The following LRRC37A2 variants were observed in gnomAD, a reference collection of about 807,000 sequenced individuals.
The protein encoded by LRRC37A2 is leucine rich repeat containing 37 member A2.
Under a neutral mutation model 68.8 loss-of-function variants are expected in LRRC37A2, and 9 were observed. The ratio of observed to expected loss-of-function variants is 0.13; its 90% confidence interval spans 0.08 to 0.23. LRRC37A2 has a LOEUF of 0.23. LRRC37A2 is among the 10% of genes least tolerant of loss of function. The pLI is 1.00. For missense variants in LRRC37A2, 168 were observed against 950.4 expected (o/e 0.18, Z 10.82); for synonymous variants, 63 against 367.6 (o/e 0.17, Z 9.48).
the LRRC37A2 span, chr17:46,875,228 G>A: frequency 3.1e-6 from 5 of 1,614,196 alleles, no homozygotes; most frequent in Non-Finnish European, 4.2e-6. Flanking sequence ...TGGAGAGCCG[G>A]CAGGCCTGGC....
At chr17:47,009,647 G>C in the LRRC37A2 span, among the ~76,000 whole-genome samples, 9 of 152,156 alleles carry the variant, frequency 5.9e-5, no homozygotes, top group African/African-American at 2.2e-4. Flanking sequence ...TAGAGTTTTG[G>C]CCATAAATGG....
At chr17:46,918,374 G>A in the LRRC37A2 span, among the ~76,000 whole-genome samples, 2 of 152,098 alleles carry the variant, frequency 1.3e-5, no homozygotes, top group South Asian at 2.1e-4. Flanking sequence ...CGCCGCCCCC[G>A]GCCTATAACA....
At chr17:46,801,405 A>C in the LRRC37A2 span, among the ~76,000 whole-genome samples, 1 of 152,232 alleles carries the variant, frequency 6.6e-6, no homozygotes, top group African/African-American at 2.4e-5. Flanking sequence ...ACATCACCTG[A>C]GGTCAGGAGC....
chr17:46,458,529 TTC>T, the LRRC37A2 span, among the ~76,000 whole-genome samples: 1 of 76,326 alleles, frequency 1.3e-5, no homozygotes, highest in East Asian at 2.5e-4. Context: ...ATTCTTCTTC[TTC>T]TTTTTTTTTT....
the LRRC37A2 span, chr17:46,851,748 C>T: frequency 1.7e-6 from 2 of 1,175,300 alleles, no homozygotes; most frequent in Non-Finnish European, 2.2e-6. This position sits in a 1 kb window ranked among gnomAD's most constrained non-coding sequence, Gnocchi z 4.3. Context: ...GCCCGCTCCC[C>T]GGCCTGCCTG....
the LRRC37A2 span, among the ~76,000 whole-genome samples, chr17:46,834,166 G>T: frequency 6.6e-6 from 1 of 152,176 alleles, no homozygotes; most frequent in Non-Finnish European, 1.5e-5. Flanking sequence ...CTACACTCCA[G>T]CCTGGTCGAT....
chr17:46,757,386 G>A, the LRRC37A2 span: 16 of 152,510 alleles, frequency 1.0e-4, no homozygotes, highest in Admixed American at 8.5e-4. Context: ...ATGTCTTTGT[G>A]TTTTGTCCAA....
At chr17:46,697,533 T>TA in the LRRC37A2 span, among the ~76,000 whole-genome samples, 2 of 140,014 alleles carry the variant, frequency 1.4e-5, no homozygotes, top group Non-Finnish European at 3.1e-5. Context: ...TGAGTAAACT[T>TA]ACGTAACTAT....
the LRRC37A2 span, among the ~76,000 whole-genome samples, chr17:46,418,463 CTGATT>C: frequency 2.8e-5 from 1 of 36,082 alleles, no homozygotes; most frequent in Non-Finnish European, 5.4e-5. Context: ...ACTTTTTGAG[CTGATT>C]TAAGAATCAA....
At chr17:46,783,767 G>A in the LRRC37A2 span, among the ~76,000 whole-genome samples, 1 of 152,208 alleles carries the variant, frequency 6.6e-6, no homozygotes, top group Non-Finnish European at 1.5e-5. Context: ...GGTGGCAGGG[G>A]GACAGCCCCA....
At chr17:46,731,536 G>A in the LRRC37A2 span, among the ~76,000 whole-genome samples, 45,636 of 152,006 alleles carry the variant, frequency 0.3, 7,613 homozygotes, top group East Asian at 0.6. Flanking sequence ...AGTGGTTTAG[G>A]AGCTACTTAA....
At chr17:46,460,912 CT>C in the LRRC37A2 span, among the ~76,000 whole-genome samples, 1 of 59,016 alleles carries the variant, frequency 1.7e-5, no homozygotes, top group African/African-American at 7.4e-5. Flanking sequence ...TGGTTTAGAA[CT>C]TTCTAAAACT....
At chr17:46,721,890 C>G in the LRRC37A2 span, 1 of 1,587,070 alleles carries the variant, frequency 6.3e-7, no homozygotes, top group Non-Finnish European at 8.7e-7. Context: ...GCGATAAAGA[C>G]GACATGCTTC....
the LRRC37A2 span, among the ~76,000 whole-genome samples, chr17:46,985,236 C>T: frequency 7.2e-5 from 11 of 152,170 alleles, no homozygotes; most frequent in Non-Finnish European, 1.0e-4. Flanking sequence ...GAGGGAAGTA[C>T]CCAGGCAGTT....
chr17:46,462,086 G>T, the LRRC37A2 span, among the ~76,000 whole-genome samples: 1 of 81,976 alleles, frequency 1.2e-5, no homozygotes, highest in Non-Finnish European at 3.3e-5. Flanking sequence ...CTTTTCCAAA[G>T]CATAGGGAGG....
chr17:46,820,577 T>A, the LRRC37A2 span, among the ~76,000 whole-genome samples: 1 of 151,938 alleles, frequency 6.6e-6, no homozygotes, highest in Non-Finnish European at 1.5e-5. Context: ...GAGATGGGGA[T>A]CCCTAGAGAT....
At chr17:46,720,205 C>T in the LRRC37A2 span, among the ~76,000 whole-genome samples, 1 of 152,126 alleles carries the variant, frequency 6.6e-6, no homozygotes, top group Admixed American at 6.5e-5. Context: ...GAAGTTTTTG[C>T]ATATATTAGC....
At chr17:46,722,093 TG>T in the LRRC37A2 span, 1 of 1,611,102 alleles carries the variant, frequency 6.2e-7, no homozygotes, top group East Asian at 2.2e-5. Flanking sequence ...CAGAAGAGCC[TG>T]GGAGATGGCC....
the LRRC37A2 span, among the ~76,000 whole-genome samples, chr17:46,718,916 T>G: frequency 6.6e-6 from 1 of 152,322 alleles, no homozygotes; most frequent in Non-Finnish European, 1.5e-5. Context: ...ATTGCTAAGG[T>G]AAAAATATTA....
Sources: gnomAD v4.1 joint callset for allele counts (sites outside exome capture counted in the v4.1 genomes callset) on GRCh38, gnomAD v4.1.1 for gene constraint, Gnocchi (gnomAD v3.1) non-coding constraint, MANE v1.5 for transcripts, NCBI Gene and HGNC (gene_info 2026-07-23, HGNC 2026-07-21) for gene names.